The following ABLIM3 variants were observed in gnomAD, a reference collection of about 807,000 sequenced individuals.
The protein encoded by ABLIM3 is actin-binding LIM protein 3.
Under a neutral mutation model 109.5 loss-of-function variants are expected in ABLIM3, and 61 were observed. The ratio of observed to expected loss-of-function variants is 0.56; its 90% CI spans 0.45 to 0.69. The LOEUF (loss-of-function observed/expected upper bound fraction) is 0.69, where lower values mean the gene tolerates loss of function less well. Ranked by LOEUF, ABLIM3 falls within the 30% of genes least tolerant of loss-of-function variation. The pLI, the probability that ABLIM3 is intolerant of heterozygous loss-of-function variation, is 0.00. For synonymous variants in ABLIM3, 300 were observed against 324.8 expected (o/e 0.92, Z 0.82); for missense variants, 796 against 889.5 (o/e 0.89, Z 1.34).
At chr5:149,168,664 C>T (rs1755058406) in intron 2 of ABLIM3, among the ~76,000 whole-genome samples, 1 of 152,120 alleles carries the variant, frequency 6.6e-6, no homozygotes, top group Admixed American at 6.5e-5. Context: ...TTTTTCAATG[C>T]CAGTTGACTT....
Position 149,259,528 on chromosome 5 carries a change from G to A in ABLIM3, c.*1124G>A. On this transcript the variant is annotated 3_prime_UTR_variant, in exon 24 of 24. Coordinates refer to ENST00000309868, the MANE Select transcript of ABLIM3 (RefSeq NM_014945.5). ...GCCAGTCCTCGGCTCCTGCTGCAAA[G>A]TTGGCCATGTTTCACAGGGAAACTT... 1 of 1,536,238 alleles carries A rather than the reference G, an allele frequency of 6.5e-7. No individual in the cohort carries two copies. The highest frequency in any genetic ancestry group is 8.7e-7 in the Non-Finnish European group (1 of 1,146,922).
In ABLIM3 at chr5:149,239,822, C is replaced by T. The variant is rs1752613778; in HGVS notation, c.1138C>T (p.Pro380Ser). The change falls in exon 13 of 24, where the codon CCC becomes TCC. Residue 380 changes from proline (P) to serine (S), a missense_variant. Transcript: ENST00000309868. ...CTCCAGCCCGGGGTACATAGACTCC[C>T]CCACCTACAGCCGGCAGGGCATGTC... ...RASSPGYIDS[P>S]TYSRQGMSPT... 1 of 1,610,982 alleles carries T rather than the reference C, an allele frequency of 6.2e-7. No homozygotes were observed. Among genetic ancestry groups the T allele is most frequent in the Non-Finnish European group, 8.5e-7 (1 of 1,178,606 alleles).
chr5:149,250,397 G>A (rs1340893969), intron 19 of ABLIM3, 50 bp from the exon 20 acceptor site: 1 of 1,590,958 alleles, frequency 6.3e-7, no homozygotes, highest in East Asian at 2.2e-5. Context: ...TCAGGGAGAG[G>A]GACTCATGGC....
At chr5:149,219,246 G>A (rs1760400994) in intron 8 of ABLIM3, 1 of 152,260 alleles carries the variant, frequency 6.6e-6, no homozygotes, top group Admixed American at 6.5e-5. Flanking sequence ...AATCAAAAAT[G>A]TCTCAGATAT....
chr5:149,173,003 A>T (rs183587726), intron 2 of ABLIM3, among the ~76,000 whole-genome samples: 1 of 152,360 alleles, frequency 6.6e-6, no homozygotes, highest in East Asian at 1.9e-4. Context: ...AGATGTTAGC[A>T]AGAATTGCAG....
rs888653131 is a variant in ABLIM3, at chr5:149,141,673, C to A, written c.-88+19C>A. On this transcript the variant is annotated intron_variant, in intron 1 of 23. Transcript: ENST00000309868. The stretch of plus-strand genomic sequence containing the variant: ...CCGAGAGGTGGGTTCCGGGGCGGGT[C>A]GCTGCTCCTTGAAGCCGGGCGGGGA... The A allele has an allele frequency of 5.4e-6, 1 of 185,190 alleles. No homozygotes were observed. The highest frequency in any genetic ancestry group is 1.1e-5 in the Non-Finnish European group (1 of 89,542). The allele number at this position is 185,190 out of a possible 1,614,324, so 11.5% of individuals were successfully genotyped here.
chr5:149,183,334 T>A (rs1756633049), intron 2 of ABLIM3, 118 bp from the exon 3 acceptor site: 2 of 1,215,310 alleles, frequency 1.6e-6, no homozygotes, highest in South Asian at 3.5e-5. Context: ...GAAGATACTT[T>A]GCACATCATT....
intron 23 of ABLIM3, among the ~76,000 whole-genome samples, chr5:149,255,291 CTA>C (rs1754332738): frequency 6.6e-6 from 1 of 152,196 alleles, no homozygotes; most frequent in Non-Finnish European, 1.5e-5. Context: ...AGCTCTCCTC[CTA>C]TGTCTGCAGA....
intron 5 of ABLIM3, 82 bp downstream of exon 5, chr5:149,200,510 C>T: frequency 6.9e-7 from 1 of 1,441,500 alleles, no homozygotes; most frequent in Non-Finnish European, 9.7e-7. Context: ...CAACTGCTCC[C>T]ACGGGCCTGG....
intron 23 of ABLIM3, among the ~76,000 whole-genome samples, chr5:149,253,347 C>T (rs1230216714): frequency 2.0e-5 from 3 of 152,208 alleles, no homozygotes; most frequent in Non-Finnish European, 2.9e-5. Context: ...TAGGTTCAAA[C>T]TCTGATTCTG....
intron 23 of ABLIM3, among the ~76,000 whole-genome samples, chr5:149,253,793 C>A (rs905577159): frequency 6.6e-6 from 1 of 152,214 alleles, no homozygotes; most frequent in Admixed American, 6.5e-5. Flanking sequence ...CTGCCCCTTA[C>A]AGCCTGTTGC....
intron 5 of ABLIM3, among the ~76,000 whole-genome samples, chr5:149,202,880 T>C (rs1336829208): frequency 6.6e-6 from 1 of 151,850 alleles, no homozygotes; most frequent in Non-Finnish European, 1.5e-5. Flanking sequence ...ATAATCATCA[T>C]CATTGCAAAC....
At chr5:149,207,338 C>T (rs549878236) in intron 6 of ABLIM3, among the ~76,000 whole-genome samples, 15 of 152,254 alleles carry the variant, frequency 9.9e-5, no homozygotes, top group African/African-American at 3.6e-4. Context: ...AGACACCCTC[C>T]CTGTTCCTTG....
intron 11 of ABLIM3, among the ~76,000 whole-genome samples, 189 bp from the exon 12 acceptor site, chr5:149,239,059 G>C (rs374581603): frequency 6.6e-6 from 1 of 152,262 alleles, no homozygotes; most frequent in African/African-American, 2.4e-5. Flanking sequence ...TAATCTCGAG[G>C]TTTCCTGCCT....
chr5:149,180,301 A>G (rs190432054), intron 2 of ABLIM3, among the ~76,000 whole-genome samples: 1 of 152,374 alleles, frequency 6.6e-6, no homozygotes, highest in East Asian at 1.9e-4. Flanking sequence ...AAATCAACAA[A>G]TTTTAACATT....
In ABLIM3 at chr5:149,210,719, C is replaced by T. The variant is rs372369632; in HGVS notation, c.576-7C>T. ...CTTCCTCATCCTATGTGAACTTCTT[C>T]TTGCAGGGATGGTGTTCCATACTGT... On this transcript the variant is annotated splice_polypyrimidine_tract_variant and splice_region_variant and intron_variant, in intron 6 of 23. Transcript: ENST00000309868. 6.2e-7 allele frequency: 1 copy of T among 1,613,600 alleles called. No homozygotes were observed. The highest frequency in any genetic ancestry group is 8.5e-7 in the Non-Finnish European group (1 of 1,179,650).
intron 8 of ABLIM3, among the ~76,000 whole-genome samples, chr5:149,226,723 G>A (rs1761318702): frequency 6.6e-6 from 1 of 152,092 alleles, no homozygotes; most frequent in Non-Finnish European, 1.5e-5. Flanking sequence ...GTAACCTCTA[G>A]AATGCCAACA....
chr5:149,211,127 G>C (rs1759508934), intron 7 of ABLIM3, among the ~76,000 whole-genome samples: 1 of 152,052 alleles, frequency 6.6e-6, no homozygotes. Flanking sequence ...AGCCCTGCCG[G>C]AGAAAGGAAG....
At chr5:149,219,389 C>T (rs969390029) in intron 8 of ABLIM3, 7 of 152,220 alleles carry the variant, frequency 4.6e-5, no homozygotes, top group African/African-American at 1.2e-4. Flanking sequence ...ACAAAGTGAC[C>T]ATTTCTAAGA....
Sources: gnomAD v4.1 joint callset for allele counts (sites outside exome capture counted in the v4.1 genomes callset) on GRCh38, gnomAD v4.1.1 for gene constraint, MANE v1.5 for transcripts, NCBI Gene and HGNC (gene_info 2026-07-23, HGNC 2026-07-21) for gene names.